The following AHI1 variants were observed in gnomAD, a reference collection of about 807,000 sequenced individuals.
The protein encoded by AHI1 is jouberin.
A neutral mutation model predicts 149.3 loss-of-function variants in AHI1; 123 were observed. The observed-to-expected ratio is 0.82, with a 90% confidence interval of 0.71 to 0.96. The LOEUF (loss-of-function observed/expected upper bound fraction) is 0.96, where lower values mean the gene tolerates loss of function less well. AHI1 is among the 40% of genes least tolerant of loss of function. AHI1 has a pLI of 0.00. For missense variants in AHI1, 1,439 were observed against 1,422.7 expected, an observed-to-expected ratio of 1.01 and a Z score of -0.18; for synonymous variants, 475 against 459.8, an observed-to-expected ratio of 1.03 and a Z score of -0.42.
intron 14 of AHI1, among the ~76,000 whole-genome samples, 155 bp downstream of exon 14, chr6:135,442,427 T>C (rs774761762): frequency 1.3e-5 from 2 of 152,134 alleles, no homozygotes; most frequent in Non-Finnish European, 2.9e-5. Flanking sequence ...TGTAAAATTA[T>C]TACAAAAGAA....
intron 22 of AHI1, among the ~76,000 whole-genome samples, chr6:135,397,056 T>C (rs1391512824): frequency 6.6e-6 from 1 of 151,906 alleles, no homozygotes; most frequent in Non-Finnish European, 1.5e-5. Flanking sequence ...AACATTTTTA[T>C]AATTCTGATC....
At chr6:135,381,633 A>C (rs1338801437) in intron 23 of AHI1, among the ~76,000 whole-genome samples, 1 of 152,244 alleles carries the variant, frequency 6.6e-6, no homozygotes, top group African/African-American at 2.4e-5. Context: ...TGTATACTGC[A>C]TGGGCAAGAT....
At chr6:135,473,946 A>G (rs1453693458) in intron 5 of AHI1, among the ~76,000 whole-genome samples, 1 of 152,156 alleles carries the variant, frequency 6.6e-6, no homozygotes, top group Non-Finnish European at 1.5e-5. Context: ...ATTCAGTAGA[A>G]ACCATACTTC....
intron 24 of AHI1, among the ~76,000 whole-genome samples, chr6:135,350,641 T>G (rs1176824378): frequency 6.6e-6 from 1 of 152,020 alleles, no homozygotes; most frequent in Non-Finnish European, 1.5e-5. Context: ...TAATAAAGAC[T>G]AATGGGGGTG....
intron 25 of AHI1, among the ~76,000 whole-genome samples, chr6:135,322,933 G>A (rs957319935): frequency 6.6e-6 from 1 of 152,186 alleles, no homozygotes; most frequent in Non-Finnish European, 1.5e-5. Context: ...CAGGGTCCCC[G>A]AGGATAAGAA....
intron 24 of AHI1, among the ~76,000 whole-genome samples, chr6:135,339,907 C>T (rs139495286): frequency 7.6e-4 from 116 of 152,166 alleles, no homozygotes; most frequent in Non-Finnish European, 1.5e-3. Context: ...TCAAAAGCAA[C>T]AAGAATAAAA....
At chr6:135,387,637 T>C (rs1777799315) in intron 23 of AHI1, 1 of 398,216 alleles carries the variant, frequency 2.5e-6, no homozygotes, top group Non-Finnish European at 3.5e-6. Flanking sequence ...ACTATATCCA[T>C]TATTTGTCTC....
intron 15 of AHI1, 32 bp downstream of exon 15, chr6:135,438,343 C>A: frequency 2.0e-6 from 3 of 1,534,608 alleles, no homozygotes; most frequent in Non-Finnish European, 2.6e-6. Context: ...CAGCAAACAG[C>A]ATGCACATAA....
At chr6:135,389,070 G>A (rs1778046433) in intron 23 of AHI1, among the ~76,000 whole-genome samples, 1 of 151,696 alleles carries the variant, frequency 6.6e-6, no homozygotes, top group African/African-American at 2.4e-5. Context: ...CAGCACTTTG[G>A]GAGGCCAAGG....
At chr6:135,305,144 C>G (rs1046441895) in intron 26 of AHI1, 2 of 152,160 alleles carry the variant, frequency 1.3e-5, no homozygotes, top group Admixed American at 1.3e-4. Context: ...GTGGCTGTTA[C>G]ACAGAAATAT....
At chr6:135,389,307 T>TAAAAAAAAAAAAAAAAAAA (rs773530746) in intron 23 of AHI1, among the ~76,000 whole-genome samples, 1 of 96,916 alleles carries the variant, frequency 1.0e-5, no homozygotes, top group Non-Finnish European at 2.1e-5. Context: ...AGACTCTGTC[T>TAAAAAAAAAAAAAAAAAAA]AAAAAAAAAA....
intron 21 of AHI1, among the ~76,000 whole-genome samples, chr6:135,411,080 A>T (rs1447872207): frequency 1.3e-5 from 2 of 152,200 alleles, no homozygotes; most frequent in Admixed American, 6.5e-5. Flanking sequence ...AGGTGTGGTC[A>T]TCTGGTTCAG....
chr6:135,431,023 C>G (rs1370975405), intron 17 of AHI1, among the ~76,000 whole-genome samples, 185 bp downstream of exon 17: 1 of 151,900 alleles, frequency 6.6e-6, no homozygotes, highest in Non-Finnish European at 1.5e-5. Flanking sequence ...TAAATCTTCA[C>G]TAAGTCGTTA....
At chr6:135,404,899 G>A in intron 22 of AHI1, 52 bp downstream of exon 22, 5 of 1,538,444 alleles carry the variant, frequency 3.3e-6, no homozygotes, top group Non-Finnish European at 4.5e-6. Context: ...CCAGTTCTTT[G>A]GAGCATCACT....
At chr6:135,449,026 T>C (rs983103220) in intron 11 of AHI1, among the ~76,000 whole-genome samples, 4 of 152,186 alleles carry the variant, frequency 2.6e-5, no homozygotes, top group Non-Finnish European at 4.4e-5. Flanking sequence ...ACAAAACTTA[T>C]ATTTAAGCTA....
chr6:135,372,191 TG>T (rs1775163518), intron 23 of AHI1, among the ~76,000 whole-genome samples: 1 of 152,148 alleles, frequency 6.6e-6, no homozygotes, highest in African/African-American at 2.4e-5. Flanking sequence ...GGTTTGATTT[TG>T]CTACAACTCA....
At chr6:135,411,957 A>G (rs900266011) in intron 20 of AHI1, among the ~76,000 whole-genome samples, 1 of 152,170 alleles carries the variant, frequency 6.6e-6, no homozygotes, top group African/African-American at 2.4e-5. Context: ...ATATATCATA[A>G]TGTAAATACA....
At position 135,467,532 on chromosome 6, in the gene AHI1, T is replaced by C. The variant is rs752402640; in HGVS notation, c.189+49A>G. 4.1e-6 allele frequency: 6 copies of C among 1,469,212 alleles called. No homozygotes were observed. In the South Asian group the frequency reaches 6.9e-5, roughly 17 times the overall value. 91.0% of individuals were successfully genotyped at this position (1,469,212 alleles called of 1,614,324 possible). A position where few individuals can be genotyped will look rare whatever the true frequency, so the allele number is the denominator to read the frequency against. Reference sequence around the variant, plus strand: ...GACTGTGTATTCCTCAATTTGTTTTTAGTGACTCTCATGCTCTTCTTCAGG... The same window carrying C: ...GACTGTGTATTCCTCAATTTGTTTTCAGTGACTCTCATGCTCTTCTTCAGG... On this transcript the variant is annotated intron_variant, in intron 6 of 28. Transcript: ENST00000265602.
intron 12 of AHI1, among the ~76,000 whole-genome samples, chr6:135,447,650 A>T (rs984140162): frequency 6.6e-6 from 1 of 152,242 alleles, no homozygotes; most frequent in African/African-American, 2.4e-5. Flanking sequence ...CTGAAAAATT[A>T]ATGTCTTACA....
Sources: allele counts gnomAD v4.1 joint callset (sites outside exome capture counted in the v4.1 genomes callset), GRCh38; gene constraint gnomAD v4.1.1; transcripts MANE v1.5; gene names NCBI Gene and HGNC (gene_info 2026-07-23, HGNC 2026-07-21).